Variants in TMED3 observed in about 807,000 individuals in gnomAD.
TMED3 encodes the protein transmembrane emp24 domain-containing protein 3.
TMED3 carries 9 observed loss-of-function variants against 15.0 expected under a neutral mutation model. The observed-to-expected ratio is 0.60, with a 90% CI of 0.36 to 1.04. The LOEUF (loss-of-function observed/expected upper bound fraction) is 1.04, where lower values mean the gene tolerates loss of function less well. Among genes scored for constraint, TMED3 ranks in the 50% least tolerant of loss-of-function variants. The pLI is 0.01. For synonymous variants in TMED3, 117 were observed against 121.4 expected (o/e 0.96, Z 0.24); for missense variants, 267 against 278.9 (o/e 0.96, Z 0.30).
At chr15:79,387,851 C>T (rs1893646442) in intron 2 of TMED3, among the ~76,000 whole-genome samples, 3 of 152,056 alleles carry the variant, frequency 2.0e-5, no homozygotes, top group African/African-American at 7.2e-5. Flanking sequence ...CTTCTTGATG[C>T]TATTATAAGT....
At chr15:79,327,205 A>G (rs2058790518), downstream of TMED3, among the ~76,000 whole-genome samples, 1 of 152,164 alleles carries the variant, frequency 6.6e-6, no homozygotes, top group African/African-American at 2.4e-5. Flanking sequence ...CAAACATCCA[A>G]ACTATAGTGG....
In TMED3 at chr15:79,333,624, C is replaced by A. The variant is rs966778738; in HGVS notation, c.417+19619C>A. On this transcript the variant is annotated intron_variant, in intron 2 of 2. Coordinates refer to the TMED3 transcript ENST00000424155. The stretch of plus-strand genomic sequence containing the variant: ...ACTACTTTTACACTTTTGATCACAT[C>A]CTGGAGAAATCGTTCAAGAACTTGA... Among the ~76,000 whole-genome samples the A allele has an allele frequency of 3.3e-5, 5 of 152,162 alleles. No individual in the cohort carries two copies. In the East Asian group the frequency reaches 9.6e-4, roughly 29 times the overall value.
chr15:79,347,979 A>G (rs1259665400), intron 2 of TMED3, among the ~76,000 whole-genome samples: 1 of 152,218 alleles, frequency 6.6e-6, no homozygotes, highest in Non-Finnish European at 1.5e-5. Flanking sequence ...AAAATGTTTG[A>G]AAAAACACTA....
At chr15:79,385,886 T>A (rs1244696321) in intron 2 of TMED3, among the ~76,000 whole-genome samples, 1 of 152,210 alleles carries the variant, frequency 6.6e-6, no homozygotes, top group South Asian at 2.1e-4. Context: ...GCCTCTGCCA[T>A]CATTAGGTAC....
chr15:79,378,902 T>C (rs1423097445), intron 2 of TMED3, among the ~76,000 whole-genome samples: 1 of 152,184 alleles, frequency 6.6e-6, no homozygotes, highest in African/African-American at 2.4e-5. Context: ...TGTTTTAGAA[T>C]TGTGACTCAA....
In TMED3 at chr15:79,322,035, A is replaced by G; in HGVS notation, c.475A>G (p.Thr159Ala). The change falls in exon 3 of 3, where the codon ACG (threonine) becomes GCG (alanine). Residue 159 changes from threonine to alanine, a missense_variant. Coordinates refer to ENST00000299705, the MANE Select transcript of TMED3 (RefSeq NM_007364.4). ...EALKTVIDSQTHYRLREAQDR... is the reference protein window; with the variant it reads ...EALKTVIDSQAHYRLREAQDR... ...TCTGAAAACGGTGATTGACTCCCAG[A>G]CGCATTACCGGCTGCGGGAGGCCCA... is the stretch of plus-strand genomic sequence containing the variant. 6.2e-7 allele frequency: 1 copy of G among 1,614,172 alleles called. No individual in the cohort carries two copies. Among genetic ancestry groups the G allele is most frequent in the South Asian group, 1.1e-5 (1 of 91,074 alleles).
At chr15:79,343,823 C>T (rs899626207) in intron 2 of TMED3, among the ~76,000 whole-genome samples, 2 of 152,172 alleles carry the variant, frequency 1.3e-5, no homozygotes, top group Admixed American at 6.5e-5. Context: ...GTCTCATTTA[C>T]TGAGATGAGC....
chr15:79,345,052 A>G (rs556137809), intron 2 of TMED3, among the ~76,000 whole-genome samples: 85 of 152,294 alleles, frequency 5.6e-4, no homozygotes, highest in Non-Finnish European at 1.1e-3. Context: ...AGAGCTACCA[A>G]TCAGGAAGAA....
At position 79,336,690 on chromosome 15, in the gene TMED3, AAAAC is replaced by A. The variant is rs535657332; in HGVS notation, c.417+22707_417+22710del. Among the ~76,000 whole-genome samples the A allele has an allele frequency of 2.4e-3, 347 of 146,436 alleles. 4 individuals carry two copies. Among genetic ancestry groups the A allele is most frequent in the African/African-American group, 7.1e-3 (288 of 40,846 alleles). On this transcript the variant is annotated intron_variant, in intron 2 of 2. Transcript: ENST00000424155. The stretch of plus-strand genomic sequence containing the variant: ...GGGAGACAGAGCAAGACTCTGTCTC[AAAAC>A]AAACAAACAAACAAACAAACACAAA...
At chr15:79,326,968 C>G (rs1274681483), downstream of TMED3, among the ~76,000 whole-genome samples, 1 of 152,156 alleles carries the variant, frequency 6.6e-6, no homozygotes, top group African/African-American at 2.4e-5. Flanking sequence ...CAAAGGGAAG[C>G]CAGTGTACAG....
rs547717205 is a variant in TMED3, at chr15:79,311,476, C to T, written c.168+59C>T. The T allele has an allele frequency of 2.0e-6, 3 of 1,535,990 alleles. No individual in the cohort carries two copies. In the East Asian group the frequency reaches 7.2e-5, roughly 37 times the overall value. ...CCTCCACTCCCAGGTCTCACCTGGA[C>T]ACTGGCTAGCCCCTGACTGGAGGCG... is the stretch of plus-strand genomic sequence containing the variant. On this transcript the variant is annotated intron_variant, in intron 1 of 2. Transcript: ENST00000299705.
downstream of TMED3, among the ~76,000 whole-genome samples, chr15:79,326,360 A>G (rs1309069899): frequency 6.6e-6 from 1 of 152,138 alleles, no homozygotes; most frequent in Non-Finnish European, 1.5e-5. Flanking sequence ...ATTTTTTCCT[A>G]TAACTTCAAA....
At chr15:79,346,958 A>G (rs1319415345) in intron 2 of TMED3, among the ~76,000 whole-genome samples, 5 of 152,170 alleles carry the variant, frequency 3.3e-5, no homozygotes, top group African/African-American at 9.7e-5. Context: ...ATGTACAAAG[A>G]CGATCTGGTA....
chr15:79,375,417 G>A lies in TMED3; in HGVS notation c.418-35983G>A, dbSNP rs148608974. Among the ~76,000 whole-genome samples, 465 of 152,258 alleles carry A rather than the reference G, an allele frequency of 3.1e-3. 2 individuals are homozygous for A. The highest frequency in any genetic ancestry group is 4.2e-3 in the Non-Finnish European group (289 of 68,018). ...GTGGGGCCAAATTCCACTGTCATCT[G>A]GAGAGGTTAGAGTTTACATTAATCC... On this transcript the variant is annotated intron_variant, in intron 2 of 2. Coordinates refer to the TMED3 transcript ENST00000424155.
chr15:79,400,628 A>G (rs1175435265), intron 2 of TMED3, among the ~76,000 whole-genome samples: 1 of 152,254 alleles, frequency 6.6e-6, no homozygotes, highest in Non-Finnish European at 1.5e-5. Flanking sequence ...GTAGGAGAGT[A>G]AGTGATAATT....
intron 2 of TMED3, among the ~76,000 whole-genome samples, chr15:79,370,699 A>G (rs1050179656): frequency 6.6e-6 from 1 of 152,206 alleles, no homozygotes; most frequent in African/African-American, 2.4e-5. Context: ...TAGTTTTTAC[A>G]TGGAGACCTT....
At chr15:79,395,004 A>C (rs548755346) in intron 2 of TMED3, among the ~76,000 whole-genome samples, 1 of 152,202 alleles carries the variant, frequency 6.6e-6, no homozygotes, top group African/African-American at 2.4e-5. Context: ...CTATCAAGCT[A>C]TGTAAGTGGA....
chr15:79,354,589 C>T (rs1478860204), intron 2 of TMED3, among the ~76,000 whole-genome samples: 2 of 149,992 alleles, frequency 1.3e-5, no homozygotes, highest in Admixed American at 6.7e-5. Flanking sequence ...TAAGTTCAGA[C>T]TCCCTGTGAA....
At position 79,352,641 on chromosome 15, in the gene TMED3, G is replaced by C. The variant is rs146648188; in HGVS notation, c.417+38636G>C. Among the ~76,000 whole-genome samples, 1,122 of 136,648 alleles carry C rather than the reference G, an allele frequency of 8.2e-3. 8 individuals carry two copies. Among genetic ancestry groups the C allele is most frequent in the Non-Finnish European group, 0.012 (795 of 65,010 alleles). 89.6% of individuals were successfully genotyped at this position (136,648 alleles called of 152,430 possible). A position where few individuals can be genotyped will look rare whatever the true frequency, so the allele number is the denominator to read the frequency against. ...TTTGTGACTAAGATTTCTCAAAGCG[G>C]AAAACACAAGGTCATTAACTAAGAA... On this transcript the variant is annotated intron_variant, in intron 2 of 2. Transcript: ENST00000424155.
Sources: gnomAD v4.1 joint callset for allele counts (sites outside exome capture counted in the v4.1 genomes callset) on GRCh38, gnomAD v4.1.1 for gene constraint, MANE v1.5 for transcripts, NCBI Gene and HGNC (gene_info 2026-07-23, HGNC 2026-07-21) for gene names.